CACNA1I: variants seen among roughly 807,000 people sequenced by gnomAD.
CACNA1I encodes calcium voltage-gated channel subunit alpha1 I, also known as voltage-dependent T-type calcium channel subunit alpha-1I.
CACNA1I carries 74 observed loss-of-function variants against 201.6 expected under a neutral mutation model. That is an observed-to-expected ratio of 0.37 (90% CI 0.30 to 0.45). CACNA1I has a LOEUF of 0.45. CACNA1I is among the 20% of genes least tolerant of loss of function. CACNA1I has a pLI of 1.00. For synonymous variants in CACNA1I, 1,431 were observed against 1,345.2 expected (o/e 1.06, Z -1.40); for missense variants, 2,346 against 3,138.1 (o/e 0.75, Z 6.03).
At chr22:39,619,430 A>C (rs1933660749) in intron 4 of CACNA1I, 23 bp downstream of exon 4, 1 of 1,573,046 alleles carries the variant, frequency 6.4e-7, no homozygotes, top group African/African-American at 1.3e-5. Flanking sequence ...CGCCCTGTCC[A>C]CACATTCCTG....
At chr22:39,627,905 C>T (rs2146404218) in intron 4 of CACNA1I, among the ~76,000 whole-genome samples, 1 of 133,738 alleles carries the variant, frequency 7.5e-6, no homozygotes, top group Non-Finnish European at 1.6e-5. Flanking sequence ...TGAGGGGGGC[C>T]AGTTTCCCCA....
intron 4 of CACNA1I, among the ~76,000 whole-genome samples, chr22:39,624,680 C>T (rs1177089054): frequency 2.6e-5 from 4 of 152,218 alleles, no homozygotes; most frequent in African/African-American, 9.7e-5. Flanking sequence ...GTCTAACCCT[C>T]ATTTCGCGGG....
intron 1 of CACNA1I, among the ~76,000 whole-genome samples, chr22:39,589,846 C>T (rs1932801421): frequency 6.6e-6 from 1 of 152,236 alleles, no homozygotes; most frequent in South Asian, 2.1e-4. Flanking sequence ...ATGGAGCCCC[C>T]AGCCCCTTTT....
At chr22:39,632,179 C>T (rs1934081681) in intron 4 of CACNA1I, among the ~76,000 whole-genome samples, 1 of 152,206 alleles carries the variant, frequency 6.6e-6, no homozygotes, top group Admixed American at 6.5e-5. Flanking sequence ...AGCAGCCAGG[C>T]TGGGACCGTG....
intron 1 of CACNA1I, among the ~76,000 whole-genome samples, chr22:39,579,128 G>A (rs555348397): frequency 3.3e-5 from 5 of 152,324 alleles, no homozygotes; most frequent in South Asian, 4.1e-4. Context: ...CGCCTCTGAC[G>A]TTACCATGTC....
Position 39,649,650 on chromosome 22 carries a change from G to A in CACNA1I, c.1717G>A (p.Gly573Ser). The change falls in exon 10 of 37, where the codon GGC becomes AGC. Residue 573 changes from glycine to serine, a missense_variant. Around this residue, in one of 13 missense-constraint regions of CACNA1I, gnomAD observed 312 missense variants for 331.5 expected, o/e 0.94. Coordinates refer to ENST00000402142, the MANE Select transcript of CACNA1I (RefSeq NM_021096.4). This position sits in a 1 kb window ranked among gnomAD's most constrained non-coding sequence, Gnocchi z 7.3. ...RPSGLGSTDS[G>S]QEGSGSGSSA... Reference sequence around the variant, plus strand: ...CTCGGGCCTGGGCAGCACCGACTCGGGCCAGGAGGGCTCGGGCTCCGGGAG... The same window carrying A: ...CTCGGGCCTGGGCAGCACCGACTCGAGCCAGGAGGGCTCGGGCTCCGGGAG... The A allele has an allele frequency of 6.6e-7, 1 of 1,519,140 alleles. No individual in the cohort carries two copies. Among genetic ancestry groups the A allele is most frequent in the South Asian group, 1.3e-5 (1 of 78,760 alleles). 94.1% of individuals were successfully genotyped at this position (1,519,140 alleles called of 1,614,324 possible). A position where few individuals can be genotyped will look rare whatever the true frequency, so the allele number is the denominator to read the frequency against.
chr22:39,608,225 C>T (rs952872111), intron 3 of CACNA1I, among the ~76,000 whole-genome samples: 9 of 152,068 alleles, frequency 5.9e-5, no homozygotes, highest in Non-Finnish European at 1.2e-4. Flanking sequence ...TAGCTTGAAC[C>T]GGGTGGTAGA....
Position 39,660,396 on chromosome 22 carries a change from A to G in CACNA1I, c.2657A>G (p.Glu886Gly), listed in dbSNP as rs758692132. The G allele has an allele frequency of 2.5e-6, 4 of 1,612,708 alleles. No homozygotes were observed. The highest frequency in any genetic ancestry group is 1.1e-5 in the South Asian group (1 of 90,822). Residue 886 changes from glutamate to glycine, a missense_variant, in exon 15 of 37, where the codon GAA becomes GGA. Glu to Gly is a moderately conservative substitution (Grantham distance 98). This residue lies in a region of CACNA1I where 92 missense variants were observed against 114.5 expected (regional missense o/e 0.80). Coordinates refer to ENST00000402142, the MANE Select transcript of CACNA1I (RefSeq NM_021096.4). ...GAGGACCAGAGCTCATCCAACATAG[A>G]AGAGTTTGATAAGCTCCAGGAAGGC... ...SDEDQSSSNI[E>G]EFDKLQEGLD...
Position 39,658,926 on chromosome 22 carries a change from C to T in CACNA1I, c.2145-5C>T, listed in dbSNP as rs184179634. ...GTACCCTGGGCCTGCCCTGCGGGACCGCAGCATCTGGGAGATTGTGGGGCA... is the reference window on the plus strand; with the variant it reads ...GTACCCTGGGCCTGCCCTGCGGGACTGCAGCATCTGGGAGATTGTGGGGCA... On this transcript the variant is annotated splice_polypyrimidine_tract_variant and splice_region_variant and intron_variant, in intron 11 of 36. Transcript: ENST00000402142. 2.8e-5 allele frequency: 45 copies of T among 1,587,624 alleles called. No homozygotes were observed. The highest frequency in any genetic ancestry group is 2.1e-4 in the African/African-American group (16 of 74,548).
chr22:39,682,684 G>C, intron 35 of CACNA1I, 23 bp downstream of exon 35: 1 of 1,602,672 alleles, frequency 6.2e-7, no homozygotes, highest in East Asian at 2.2e-5. Flanking sequence ...AGCCCTGCCA[G>C]CTCCCCACAG....
In CACNA1I at chr22:39,684,759, G is replaced by A; in HGVS notation, c.6027+261G>A. 1 of 596,976 alleles carries A rather than the reference G, an allele frequency of 1.7e-6. No individual in the cohort carries two copies. The highest frequency in any genetic ancestry group is 2.8e-5 in the East Asian group (1 of 36,232). 37.0% of individuals were successfully genotyped at this position (596,976 alleles called of 1,614,324 possible). A position where few individuals can be genotyped will look rare whatever the true frequency, so the allele number is the denominator to read the frequency against. On this transcript the variant is annotated intron_variant, in intron 36 of 36. Transcript: ENST00000402142. The surrounding 1 kb of genome is among the most constrained non-coding windows in gnomAD (Gnocchi z 4.6). ...CCCAAGGCGGGTCTGGAAGAGGCCT[G>A]TGATCCCTAGCTTGAGGGGAGGGGA...
At chr22:39,592,288 G>A (rs1932831203) in intron 1 of CACNA1I, among the ~76,000 whole-genome samples, 2 of 152,352 alleles carry the variant, frequency 1.3e-5, no homozygotes, top group African/African-American at 2.4e-5. Context: ...TAAAGTGATG[G>A]TACTGTGGCT....
At chr22:39,664,690 T>A in intron 20 of CACNA1I, 49 bp from the exon 21 acceptor site, 100 of 260,230 alleles carry the variant, frequency 3.8e-4, no homozygotes, top group African/African-American at 5.4e-4. Flanking sequence ...CCCGCCCACC[T>A]GCCCGCCCCT....
intron 10 of CACNA1I, among the ~76,000 whole-genome samples, chr22:39,655,772 G>A (rs1037366911): frequency 1.3e-5 from 2 of 152,058 alleles, no homozygotes; most frequent in Non-Finnish European, 2.9e-5. Context: ...TCTCTGTCCC[G>A]GAGAAATGCT....
Position 39,670,031 on chromosome 22 carries a change from C to A in CACNA1I, c.4195-7C>A, listed in dbSNP as rs1185841413. ...AGCCTCCTCAGCCCTTTCTGACTCC[C>A]CTGCAGCCTGTGACCAACCACAACC... On this transcript the variant is annotated splice_region_variant and splice_polypyrimidine_tract_variant and intron_variant, in intron 24 of 36. Coordinates refer to ENST00000402142, the MANE Select transcript of CACNA1I (RefSeq NM_021096.4). 1 of 1,612,106 alleles carries A rather than the reference C, an allele frequency of 6.2e-7. No individual in the cohort carries two copies. Among genetic ancestry groups the A allele is most frequent in the South Asian group, 1.1e-5 (1 of 91,000 alleles).
rs192627122 is a variant in CACNA1I at position 39,627,946 on chromosome 22, T to C, written c.581-6619T>C. On this transcript the variant is annotated intron_variant, in intron 4 of 36. Coordinates refer to ENST00000402142, the MANE Select transcript of CACNA1I (RefSeq NM_021096.4). The stretch of plus-strand genomic sequence containing the variant: ...GCTCCCTTCCTGGAAGAGGTGGGGC[T>C]GGGTGGGTGGGAGAACATCTGGCCA... Among the ~76,000 whole-genome samples the C allele has an allele frequency of 4.4e-4, 14 of 31,788 alleles. No individual in the cohort carries two copies. In the East Asian group the frequency reaches 7.4e-3, roughly 17 times the overall value. The allele number at this position is 31,788 out of a possible 152,430, so 20.9% of individuals were successfully genotyped here. A position where few individuals can be genotyped will look rare whatever the true frequency, so the allele number is the denominator to read the frequency against.
chr22:39,638,437 A>T (rs1258840138), intron 5 of CACNA1I, among the ~76,000 whole-genome samples: 1 of 152,212 alleles, frequency 6.6e-6, no homozygotes, highest in Non-Finnish European at 1.5e-5. Context: ...AGAAGGTTGT[A>T]CCAATGTATA....
chr22:39,629,599 G>A lies in CACNA1I; in HGVS notation c.581-4966G>A, dbSNP rs1899565996. Among the ~76,000 whole-genome samples, 1 of 152,172 alleles carries A rather than the reference G, an allele frequency of 6.6e-6. No individual in the cohort carries two copies. Among genetic ancestry groups the A allele is most frequent in the South Asian group, 2.1e-4 (1 of 4,832 alleles). ...GGAAGGCCCAATCATCAGGCCGTGAGGGTGGTGGAGAGGGCCCAGTGTCTG... is the reference window on the plus strand; with the variant it reads ...GGAAGGCCCAATCATCAGGCCGTGAAGGTGGTGGAGAGGGCCCAGTGTCTG... On this transcript the variant is annotated intron_variant, in intron 4 of 36. Coordinates refer to ENST00000402142, the MANE Select transcript of CACNA1I (RefSeq NM_021096.4). This position sits in a 1 kb window ranked among gnomAD's most constrained non-coding sequence, Gnocchi z 4.8.
At position 39,684,289 on chromosome 22, in the gene CACNA1I, C is replaced by G. The variant is rs774155155; in HGVS notation, c.5831-13C>G. On this transcript the variant is annotated splice_polypyrimidine_tract_variant and intron_variant, in intron 35 of 36. Transcript: ENST00000402142. The surrounding 1 kb of genome is among the most constrained non-coding windows in gnomAD (Gnocchi z 4.6). ...GCGTGCTCCCTCAGCTCTGTCTTCT[C>G]CTTTCCCAGCAGCACCCCCAAGTCC... The G allele has an allele frequency of 3.7e-5, 59 of 1,612,612 alleles. No individual in the cohort carries two copies. Among genetic ancestry groups the G allele is most frequent in the Non-Finnish European group, 4.6e-5 (54 of 1,179,490 alleles).
Sources: allele counts gnomAD v4.1 joint callset (sites outside exome capture counted in the v4.1 genomes callset), GRCh38; gene constraint gnomAD v4.1.1; regional missense constraint gnomAD v4.1.1; non-coding constraint Gnocchi (gnomAD v3.1); transcripts MANE v1.5; gene names NCBI Gene and HGNC (gene_info 2026-07-23, HGNC 2026-07-21).